The following ANO2 variants were observed in gnomAD, a reference collection of about 807,000 sequenced individuals.
ANO2 encodes anoctamin-2.
In ANO2, 101 loss-of-function variants were observed where a neutral mutation model predicts 124.2. That is an observed-to-expected ratio of 0.81 (90% CI 0.69 to 0.96). ANO2 has a LOEUF of 0.96. Ranked by LOEUF, ANO2 falls within the 40% of genes least tolerant of loss-of-function variation. The probability of loss-of-function intolerance (pLI) is 0.00; values close to 1 mark genes in which losing one functional copy is unlikely to be tolerated. For missense variants in ANO2, 1,293 were observed against 1,274.5 expected, an observed-to-expected ratio of 1.01 and a Z score of -0.22; for synonymous variants, 486 against 482.5, an observed-to-expected ratio of 1.01 and a Z score of -0.09.
chr12:5,653,325 T>C (rs1485745151), intron 14 of ANO2, among the ~76,000 whole-genome samples: 4 of 152,162 alleles, frequency 2.6e-5, no homozygotes, highest in Non-Finnish European at 5.9e-5. Context: ...ATTGACCCTA[T>C]GTTCTGGCAA....
At chr12:5,941,080 C>G (rs531853748) in intron 1 of ANO2, among the ~76,000 whole-genome samples, 3 of 152,078 alleles carry the variant, frequency 2.0e-5, no homozygotes, top group Admixed American at 2.0e-4. Context: ...AGTGGATTCG[C>G]GGTTGCCAAG....
intron 9 of ANO2, 109 bp downstream of exon 9, chr12:5,805,943 A>G (rs1953176732): frequency 3.6e-6 from 4 of 1,102,876 alleles, no homozygotes; most frequent in Non-Finnish European, 5.2e-6. Context: ...AAATTGTTGG[A>G]AAGTAGATAA....
chr12:5,758,362 G>T (rs1276526112), intron 10 of ANO2, among the ~76,000 whole-genome samples: 2 of 152,184 alleles, frequency 1.3e-5, no homozygotes, highest in Non-Finnish European at 2.9e-5. Flanking sequence ...CATTTCTGAG[G>T]CTTGAGTGCA....
intron 9 of ANO2, among the ~76,000 whole-genome samples, chr12:5,801,008 G>A (rs1048378201): frequency 5.9e-5 from 9 of 152,186 alleles, no homozygotes; most frequent in African/African-American, 1.4e-4. Flanking sequence ...ATGTGGAGGA[G>A]AACCAGAAGT....
chr12:5,781,923 G>A (rs964569928), intron 10 of ANO2, among the ~76,000 whole-genome samples: 3 of 152,152 alleles, frequency 2.0e-5, no homozygotes, highest in Admixed American at 2.0e-4. Flanking sequence ...TAATGTTTCT[G>A]CTGCAGTTTG....
At chr12:5,746,801 A>G (rs540094062) in intron 11 of ANO2, among the ~76,000 whole-genome samples, 1 of 152,344 alleles carries the variant, frequency 6.6e-6, no homozygotes, top group Admixed American at 6.5e-5. Flanking sequence ...AACAGCTGCT[A>G]TTAAGGTCTC....
At chr12:5,653,608 A>G (rs184158982) in intron 14 of ANO2, among the ~76,000 whole-genome samples, 3 of 152,322 alleles carry the variant, frequency 2.0e-5, no homozygotes, top group Admixed American at 2.0e-4. Context: ...TCTTGTTTCT[A>G]TACAGGAAGC....
At chr12:5,724,277 C>T (rs923628337) in intron 14 of ANO2, among the ~76,000 whole-genome samples, 5 of 152,014 alleles carry the variant, frequency 3.3e-5, no homozygotes, top group Non-Finnish European at 7.4e-5. Flanking sequence ...GAAGAGGCTG[C>T]GATAATTATT....
intron 9 of ANO2, among the ~76,000 whole-genome samples, chr12:5,800,641 C>T (rs1298062912): frequency 6.6e-6 from 1 of 152,208 alleles, no homozygotes; most frequent in African/African-American, 2.4e-5. Flanking sequence ...TAAATAAGAA[C>T]TTGGCCTGAG....
At chr12:5,930,863 C>T (rs1356421949) in intron 1 of ANO2, among the ~76,000 whole-genome samples, 2 of 152,158 alleles carry the variant, frequency 1.3e-5, no homozygotes, top group Non-Finnish European at 2.9e-5. Context: ...TCCATACTCA[C>T]ACACACATAA....
chr12:5,944,402 A>G (rs549081763), intron 1 of ANO2, among the ~76,000 whole-genome samples: 4 of 152,300 alleles, frequency 2.6e-5, no homozygotes, highest in African/African-American at 9.6e-5. Flanking sequence ...ACAAAGTATC[A>G]GGACTGTGAC....
intron 14 of ANO2, among the ~76,000 whole-genome samples, chr12:5,694,283 G>GAGAGAA (rs1555137056): frequency 2.0e-5 from 3 of 151,338 alleles, no homozygotes; most frequent in African/African-American, 4.9e-5. Flanking sequence ...GAGAGAGAGA[G>GAGAGAA]AATAAAACAG....
chr12:5,770,723 T>C (rs960662926), intron 10 of ANO2, among the ~76,000 whole-genome samples: 5 of 152,230 alleles, frequency 3.3e-5, no homozygotes, highest in African/African-American at 1.2e-4. Context: ...CTGCTCAGGA[T>C]GATTTTCTGA....
chr12:5,615,156 C>T, intron 17 of ANO2, 30 bp downstream of exon 17: 1 of 1,586,002 alleles, frequency 6.3e-7, no homozygotes, highest in East Asian at 2.3e-5. Flanking sequence ...TGGCAAATTG[C>T]CTTTCTACAC....
intron 14 of ANO2, among the ~76,000 whole-genome samples, chr12:5,652,562 T>C (rs1946964411): frequency 6.6e-6 from 1 of 152,132 alleles, no homozygotes; most frequent in African/African-American, 2.4e-5. Context: ...CATGTCCCCT[T>C]AGACTCCTCG....
chr12:5,896,642 A>G (rs1591758413), intron 3 of ANO2, among the ~76,000 whole-genome samples: 1 of 152,180 alleles, frequency 6.6e-6, no homozygotes, highest in East Asian at 1.9e-4. Flanking sequence ...TCTGTCTCTA[A>G]AGATAGGAAA....
chr12:5,669,802 T>C (rs1462891055), intron 14 of ANO2, among the ~76,000 whole-genome samples: 2 of 152,334 alleles, frequency 1.3e-5, no homozygotes, highest in East Asian at 1.9e-4. Flanking sequence ...CTCCACTCTA[T>C]GTCATGTGAC....
chr12:5,646,550 G>A (rs193182326), intron 15 of ANO2, among the ~76,000 whole-genome samples: 2 of 152,142 alleles, frequency 1.3e-5, no homozygotes, highest in Admixed American at 6.5e-5. Flanking sequence ...CAAGCACATC[G>A]TTTGACTCAT....
At chr12:5,682,229 G>A (rs1399467247) in intron 14 of ANO2, among the ~76,000 whole-genome samples, 1 of 152,006 alleles carries the variant, frequency 6.6e-6, no homozygotes, top group Non-Finnish European at 1.5e-5. Context: ...AAGAATTCTG[G>A]TCTTTTGAGA....
Sources: gnomAD v4.1 joint callset for allele counts (sites outside exome capture counted in the v4.1 genomes callset) on GRCh38, gnomAD v4.1.1 for gene constraint, MANE v1.5 for transcripts, NCBI Gene and HGNC (gene_info 2026-07-23, HGNC 2026-07-21) for gene names.